Variants in CSGALNACT1 observed in about 807,000 individuals in gnomAD.
CSGALNACT1 encodes the protein beta4GalNAcT-1.
A neutral mutation model predicts 51.0 loss-of-function variants in CSGALNACT1; 52 were observed. That is an observed-to-expected ratio of 1.02 (90% CI 0.82 to 1.29). The LOEUF is 1.29. CSGALNACT1 is among the 50% of genes most tolerant of loss of function. The probability of loss-of-function intolerance (pLI) is 0.00; values close to 1 mark genes in which losing one functional copy is unlikely to be tolerated. For missense variants in CSGALNACT1, 935 were observed against 679.2 expected, an observed-to-expected ratio of 1.38 and a Z score of -4.19; for synonymous variants, 341 against 254.4, an observed-to-expected ratio of 1.34 and a Z score of -3.24.
At chr8:19,469,145 T>C (rs968801522) in intron 4 of CSGALNACT1, among the ~76,000 whole-genome samples, 6 of 152,084 alleles carry the variant, frequency 3.9e-5, no homozygotes, top group Non-Finnish European at 7.4e-5. Context: ...ATCCTAGCAC[T>C]TTGGGAGGCT....
chr8:19,473,380 G>A (rs984711148), intron 4 of CSGALNACT1, among the ~76,000 whole-genome samples: 3 of 151,976 alleles, frequency 2.0e-5, no homozygotes, highest in African/African-American at 7.3e-5. Flanking sequence ...ATCTGTTCTA[G>A]TTGTAAAACC....
At chr8:19,640,257 G>A (rs1216914595) in intron 1 of CSGALNACT1, among the ~76,000 whole-genome samples, 1 of 152,152 alleles carries the variant, frequency 6.6e-6, no homozygotes, top group African/African-American at 2.4e-5. Context: ...TTTATGAAAT[G>A]TATTTATACA....
intron 4 of CSGALNACT1, among the ~76,000 whole-genome samples, chr8:19,495,966 T>C (rs2075374976): frequency 6.6e-6 from 1 of 152,124 alleles, no homozygotes; most frequent in South Asian, 2.1e-4. Context: ...GTGTCAAAAC[T>C]GGAATGGGAT....
intron 1 of CSGALNACT1, among the ~76,000 whole-genome samples, chr8:19,635,636 AG>A (rs1262016382): frequency 2.0e-5 from 3 of 151,930 alleles, no homozygotes. Context: ...CGGCATATTG[AG>A]GTTGTTTCAT....
At chr8:19,674,577 C>G (rs1168363727) in intron 1 of CSGALNACT1, among the ~76,000 whole-genome samples, 1 of 152,094 alleles carries the variant, frequency 6.6e-6, no homozygotes, top group Non-Finnish European at 1.5e-5. Flanking sequence ...AGAGATGACC[C>G]TACCACCGCA....
At chr8:19,589,258 C>T (rs1168656037) in intron 3 of CSGALNACT1, among the ~76,000 whole-genome samples, 1 of 152,226 alleles carries the variant, frequency 6.6e-6, no homozygotes, top group Non-Finnish European at 1.5e-5. Flanking sequence ...GTAAAGCAGG[C>T]AGCTTCTAGT....
intron 1 of CSGALNACT1, among the ~76,000 whole-genome samples, chr8:19,615,521 C>T (rs2052881564): frequency 6.6e-6 from 1 of 152,058 alleles, no homozygotes; most frequent in Non-Finnish European, 1.5e-5. Flanking sequence ...GTGTGTCTTC[C>T]AAATCGTAAG....
intron 4 of CSGALNACT1, among the ~76,000 whole-genome samples, chr8:19,501,626 T>TCA (rs1587353850): frequency 1.3e-5 from 2 of 152,196 alleles, no homozygotes; most frequent in East Asian, 3.8e-4. Context: ...CACAAATGCC[T>TCA]CACATAGGGG....
chr8:19,612,486 A>T lies in CSGALNACT1; in HGVS notation c.-543-10621T>A, dbSNP rs184900305. On this transcript the variant is annotated intron_variant, in intron 1 of 9. Transcript: ENST00000332246. ...GATTCTTCACTATTTCCTCAAGATCATCTGTTCACAAGGATCACCCATAAA... is the reference window on the plus strand; with the variant it reads ...GATTCTTCACTATTTCCTCAAGATCTTCTGTTCACAAGGATCACCCATAAA... Among the ~76,000 whole-genome samples the T allele has an allele frequency of 5.5e-4, 83 of 152,240 alleles. 1 individual carries two copies. The highest frequency in any genetic ancestry group is 3.1e-3 in the Admixed American group (48 of 15,290).
At chr8:19,486,909 C>A (rs80116962) in intron 4 of CSGALNACT1, among the ~76,000 whole-genome samples, 19,717 of 150,832 alleles carry the variant, frequency 0.13, 1,320 homozygotes, top group Middle Eastern at 0.21. Context: ...AGCTGCCCAA[C>A]AACACTTGAA....
intron 1 of CSGALNACT1, among the ~76,000 whole-genome samples, chr8:19,674,399 T>TGA (rs1366985597): frequency 1.3e-5 from 2 of 151,132 alleles, no homozygotes; most frequent in African/African-American, 4.9e-5. Context: ...AGAAGTTGAG[T>TGA]GAGAGATAAT....
Position 19,434,838 on chromosome 8 carries a change from A to AG in CSGALNACT1, c.953+4991dup, listed in dbSNP as rs567865685. ...ATGGTTATCTAAAAATCCTTGTTTA[A>AG]GAAAAAAAAAAAAGCAAATCAACAA... On this transcript the variant is annotated intron_variant, in intron 6 of 9. Transcript: ENST00000454498. Among the ~76,000 whole-genome samples the AG allele has an allele frequency of 1.1e-3, 169 of 152,068 alleles. 1 individual carries two copies. Among genetic ancestry groups the AG allele is most frequent in the Middle Eastern group, 0.01 (3 of 292 alleles).
chr8:19,671,170 G>A (rs998663870), intron 1 of CSGALNACT1, among the ~76,000 whole-genome samples: 1 of 152,058 alleles, frequency 6.6e-6, no homozygotes, highest in Non-Finnish European at 1.5e-5. Flanking sequence ...GGTGGAATGG[G>A]GAATAGAAAA....
At chr8:19,487,199 A>G (rs1349573898) in intron 4 of CSGALNACT1, among the ~76,000 whole-genome samples, 1 of 152,236 alleles carries the variant, frequency 6.6e-6, no homozygotes, top group Non-Finnish European at 1.5e-5. Flanking sequence ...TCTGCTCCAG[A>G]GACTCATATG....
intron 3 of CSGALNACT1, among the ~76,000 whole-genome samples, chr8:19,581,851 T>C (rs1310076584): frequency 6.6e-6 from 1 of 152,234 alleles, no homozygotes; most frequent in African/African-American, 2.4e-5. Flanking sequence ...GGAAAGCTGC[T>C]GTTGTAGGTA....
chr8:19,644,577 G>A (rs1589234823), intron 1 of CSGALNACT1, among the ~76,000 whole-genome samples: 1 of 151,488 alleles, frequency 6.6e-6, no homozygotes, highest in South Asian at 2.1e-4. Flanking sequence ...GGGCATAGTG[G>A]CATGCGCCTG....
rs993958661 is a variant in CSGALNACT1, at chr8:19,757,524, C to G, written c.-297+326G>C. Among the ~76,000 whole-genome samples the G allele has an allele frequency of 2.0e-5, 3 of 152,144 alleles. No individual in the cohort carries two copies. The highest frequency in any genetic ancestry group is 2.1e-4 in the South Asian group (1 of 4,828). The stretch of plus-strand genomic sequence containing the variant: ...GCGGCGCCCTGGCCGAAGCCTGTCA[C>G]TCTCGGAAGGGGCCGCGCTCGGACA... On this transcript the variant is annotated intron_variant, in intron 1 of 1. Transcript: ENST00000517494. The surrounding 1 kb of genome is among the most constrained non-coding windows in gnomAD (Gnocchi z 4.0).
At chr8:19,697,744 G>C (rs893609528) in intron 1 of CSGALNACT1, among the ~76,000 whole-genome samples, 3 of 152,152 alleles carry the variant, frequency 2.0e-5, no homozygotes, top group Non-Finnish European at 4.4e-5. Flanking sequence ...ACTTGAAGGA[G>C]CTCAAGAGGC....
At position 19,538,828 on chromosome 8, in the gene CSGALNACT1, C is replaced by T. The variant is rs151121068; in HGVS notation, c.-296-32698G>A. ...TTCCGTTGCTTCCTAGATACCCCTG[C>T]CCCCAGACTCTGTGTCTCCTCACTG... On this transcript the variant is annotated intron_variant, in intron 3 of 9. Transcript: ENST00000454498. 1.7e-4 allele frequency among the ~76,000 whole-genome samples: 26 copies of T among 152,068 alleles called. No homozygotes were observed. The East Asian group carries it at 4.5e-3, about 26-fold the overall frequency.
Sources: gnomAD v4.1 joint callset for allele counts (sites outside exome capture counted in the v4.1 genomes callset) on GRCh38, gnomAD v4.1.1 for gene constraint, Gnocchi (gnomAD v3.1) non-coding constraint, MANE v1.5 for transcripts, NCBI Gene and HGNC (gene_info 2026-07-23, HGNC 2026-07-21) for gene names.